SYNDIG1L: variants seen among roughly 807,000 people sequenced by gnomAD.
SYNDIG1L encodes the protein synapse differentiation inducing 1 like.
In SYNDIG1L, 13 loss-of-function variants were observed where a neutral mutation model predicts 20.1. The observed-to-expected ratio is 0.65, with a 90% confidence interval of 0.42 to 1.03. The LOEUF (loss-of-function observed/expected upper bound fraction) is 1.03, where lower values mean the gene tolerates loss of function less well. SYNDIG1L is among the 50% of genes least tolerant of loss of function. The pLI is 0.00. For synonymous variants in SYNDIG1L, 128 were observed against 129.3 expected (o/e 0.99, Z 0.07); for missense variants, 294 against 305.1 (o/e 0.96, Z 0.27).
At chr14:74,471,445 A>G in the SYNDIG1L span, among the ~76,000 whole-genome samples, 1 of 152,054 alleles carries the variant, frequency 6.6e-6, no homozygotes, top group Non-Finnish European at 1.5e-5. Flanking sequence ...AAAAAATACA[A>G]AAATTAGCCA....
intron 2 of SYNDIG1L, 126 bp from the exon 3 acceptor site, chr14:74,408,115 C>T (rs563624511): frequency 1.3e-5 from 16 of 1,193,592 alleles, no homozygotes; most frequent in South Asian, 5.1e-5. Context: ...TCTCTTCTGC[C>T]GCAGGTGGGG....
intron 2 of SYNDIG1L, 99 bp downstream of exon 2, chr14:74,409,229 C>T (rs1478683222): frequency 1.3e-5 from 12 of 910,904 alleles, no homozygotes; most frequent in Non-Finnish European, 1.8e-5. Flanking sequence ...CAGGCACATG[C>T]CACCACGCCA....
chr14:74,430,647 C>T (rs1274693769), upstream of SYNDIG1L, among the ~76,000 whole-genome samples: 1 of 152,192 alleles, frequency 6.6e-6, no homozygotes, highest in Non-Finnish European at 1.5e-5. Flanking sequence ...GTTGGCCAGG[C>T]TGGCCTTGAA....
At chr14:74,460,027 A>AC in the SYNDIG1L span, among the ~76,000 whole-genome samples, 1 of 151,562 alleles carries the variant, frequency 6.6e-6, no homozygotes, top group African/African-American at 2.4e-5. Context: ...ACCTCCAGGG[A>AC]CCCCCAGCTC....
At chr14:74,452,417 G>T in the SYNDIG1L span, among the ~76,000 whole-genome samples, 1 of 152,184 alleles carries the variant, frequency 6.6e-6, no homozygotes, top group Non-Finnish European at 1.5e-5. Context: ...TTTCCTGCAT[G>T]ATAGTATATG....
At chr14:74,442,250 A>T in the SYNDIG1L span, among the ~76,000 whole-genome samples, 1 of 152,216 alleles carries the variant, frequency 6.6e-6, no homozygotes, top group African/African-American at 2.4e-5. Context: ...AACACAAACA[A>T]TACCTGAATA....
At chr14:74,454,973 C>T in the SYNDIG1L span, among the ~76,000 whole-genome samples, 1 of 152,356 alleles carries the variant, frequency 6.6e-6, no homozygotes, top group East Asian at 1.9e-4. Flanking sequence ...TGTAAGTCTA[C>T]AGCTGCCTTT....
chr14:74,464,377 A>G, the SYNDIG1L span, among the ~76,000 whole-genome samples: 2 of 152,112 alleles, frequency 1.3e-5, no homozygotes, highest in Non-Finnish European at 2.9e-5. Context: ...GAGATGATCT[A>G]AGGATTTCAG....
At chr14:74,432,751 G>T in the SYNDIG1L span, among the ~76,000 whole-genome samples, 1 of 152,138 alleles carries the variant, frequency 6.6e-6, no homozygotes, top group African/African-American at 2.4e-5. Flanking sequence ...CTACTCAGAA[G>T]GTTGAGGCAG....
intron 2 of SYNDIG1L, 47 bp from the exon 3 acceptor site, chr14:74,408,036 C>T: frequency 1.3e-6 from 2 of 1,549,428 alleles, no homozygotes; most frequent in East Asian, 2.3e-5. Context: ...TCAGCCCAGC[C>T]CCATCAGGCT....
rs529764646 is a variant in SYNDIG1L at position 74,425,057 on chromosome 14, A to G, written c.-58+855T>C. The stretch of plus-strand genomic sequence containing the variant: ...CAGTAGAAAGAAGTGGTCAGCCACA[A>G]GGGTAGGCCAATTCTTCCTCCACGC... On this transcript the variant is annotated intron_variant, in intron 1 of 3. Transcript: ENST00000331628. Among the ~76,000 whole-genome samples the G allele has an allele frequency of 5.3e-5, 8 of 152,314 alleles. No individual in the cohort carries two copies. The South Asian group carries it at 1.4e-3, about 28-fold the overall frequency.
the SYNDIG1L span, among the ~76,000 whole-genome samples, chr14:74,471,615 CAT>C: frequency 1.1e-4 from 17 of 151,616 alleles, no homozygotes; most frequent in East Asian, 7.7e-4. Context: ...CACACACACA[CAT>C]ACACACACAC....
chr14:74,413,580 A>ACT (rs35878694), intron 1 of SYNDIG1L, among the ~76,000 whole-genome samples: 71,492 of 150,964 alleles, frequency 0.47, 16,908 homozygotes, highest in Non-Finnish European at 0.5. Flanking sequence ...TCTTTTTTAT[A>ACT]CTGTTTTTTC....
the SYNDIG1L span, among the ~76,000 whole-genome samples, chr14:74,464,139 C>A: frequency 6.6e-6 from 1 of 152,194 alleles, no homozygotes; most frequent in East Asian, 1.9e-4. Context: ...GTTATACCTG[C>A]CCTGAAAGAG....
At chr14:74,435,678 A>C in the SYNDIG1L span, among the ~76,000 whole-genome samples, 235 of 152,350 alleles carry the variant, frequency 1.5e-3, 1 homozygote, top group African/African-American at 5.0e-3. Context: ...TCAGCAGCTC[A>C]GACAGGTCAT....
At chr14:74,412,988 C>A (rs1322229864) in intron 1 of SYNDIG1L, among the ~76,000 whole-genome samples, 2 of 152,180 alleles carry the variant, frequency 1.3e-5, no homozygotes, top group Non-Finnish European at 2.9e-5. Context: ...CAGATTACTG[C>A]ATCTGACTCA....
the SYNDIG1L span, among the ~76,000 whole-genome samples, chr14:74,436,890 C>T: frequency 1.3e-5 from 2 of 151,378 alleles, no homozygotes; most frequent in Non-Finnish European, 2.9e-5. Flanking sequence ...GGGTTTCCTC[C>T]TTGGTGTCTT....
chr14:74,440,603 T>A, the SYNDIG1L span, among the ~76,000 whole-genome samples: 5 of 147,668 alleles, frequency 3.4e-5, no homozygotes, highest in African/African-American at 1.3e-4. Flanking sequence ...GAGAATGGCG[T>A]GAACCTGGGA....
chr14:74,449,533 A>G, the SYNDIG1L span, among the ~76,000 whole-genome samples: 2 of 147,908 alleles, frequency 1.4e-5, no homozygotes, highest in Non-Finnish European at 3.0e-5. Context: ...GATTGCTTGA[A>G]CCCAGGAGTT....
Sources: gnomAD v4.1 joint callset for allele counts (sites outside exome capture counted in the v4.1 genomes callset) on GRCh38, gnomAD v4.1.1 for gene constraint, MANE v1.5 for transcripts, NCBI Gene and HGNC (gene_info 2026-07-23, HGNC 2026-07-21) for gene names.